The following ZNF536 variants were observed in gnomAD, a reference collection of about 807,000 sequenced individuals.
The protein encoded by ZNF536 is zinc finger protein 536.
ZNF536 carries 13 observed loss-of-function variants against 84.5 expected under a neutral mutation model. That is an observed-to-expected ratio of 0.15 (90% confidence interval 0.10 to 0.24). The LOEUF (loss-of-function observed/expected upper bound fraction) is 0.24. ZNF536 is among the 10% of genes least tolerant of loss of function. ZNF536 has a pLI of 1.00. For missense variants in ZNF536, 1,536 were observed against 1,747.5 expected (o/e 0.88, Z 2.16); for synonymous variants, 811 against 742.5 (o/e 1.09, Z -1.50).
chr19:30,485,380 C>T (rs529378764), intron 2 of ZNF536, among the ~76,000 whole-genome samples: 1 of 152,138 alleles, frequency 6.6e-6, no homozygotes, highest in African/African-American at 2.4e-5. Context: ...AATTGTGCAA[C>T]CATCACCACA....
chr19:30,584,375 G>A (rs996787878), intron 1 of ZNF536, among the ~76,000 whole-genome samples: 5 of 152,230 alleles, frequency 3.3e-5, no homozygotes, highest in African/African-American at 4.8e-5. Flanking sequence ...TAAGAAAGCT[G>A]TTAGTGAAGG....
intron 1 of ZNF536, among the ~76,000 whole-genome samples, chr19:30,594,327 G>A (rs190649174): frequency 4.6e-5 from 7 of 152,260 alleles, no homozygotes; most frequent in South Asian, 4.1e-4. Flanking sequence ...GAAAGGCAGG[G>A]GCCAGGCCAC....
At chr19:30,314,452 G>A (rs1160232384) in intron 2 of ZNF536, among the ~76,000 whole-genome samples, 3 of 152,074 alleles carry the variant, frequency 2.0e-5, no homozygotes, top group South Asian at 4.2e-4. Context: ...CACACATCTC[G>A]AGGGTCCACT....
At chr19:30,671,680 TCTAA>T (rs977642146) in intron 1 of ZNF536, among the ~76,000 whole-genome samples, 24 of 152,136 alleles carry the variant, frequency 1.6e-4, no homozygotes, top group African/African-American at 5.8e-4. Context: ...TGGGGATATG[TCTAA>T]CTAGTGTTTA....
intron 1 of ZNF536, among the ~76,000 whole-genome samples, chr19:30,663,108 G>A (rs988243600): frequency 6.6e-6 from 1 of 151,834 alleles, no homozygotes; most frequent in African/African-American, 2.4e-5. Context: ...GAAATGGATA[G>A]TGCAGGTTTA....
rs186095860 is a variant in ZNF536 at position 30,486,948 on chromosome 19, T to A, written c.2170+41216T>A. 5.9e-5 allele frequency among the ~76,000 whole-genome samples: 9 copies of A among 152,344 alleles called. No individual in the cohort carries two copies. The East Asian group carries it at 1.7e-3, about 29-fold the overall frequency. ...AAGGAACACAGTTCATCTGCTCTAGTATTTAAAAATTACAAACTTAAATAA... is the reference window on the plus strand; with the variant it reads ...AAGGAACACAGTTCATCTGCTCTAGAATTTAAAAATTACAAACTTAAATAA... On this transcript the variant is annotated intron_variant, in intron 2 of 4. Coordinates refer to ENST00000355537, the MANE Select transcript of ZNF536 (RefSeq NM_014717.3).
chr19:30,387,926 T>C (rs966207187), intron 1 of ZNF536, among the ~76,000 whole-genome samples: 2 of 152,090 alleles, frequency 1.3e-5, no homozygotes, highest in African/African-American at 4.8e-5. Context: ...CTTTGGGCCC[T>C]GGAGGGGGCT....
intron 1 of ZNF536, chr19:30,436,632 C>A: frequency 2.8e-6 from 1 of 357,310 alleles, no homozygotes; most frequent in Non-Finnish European, 3.9e-6. Flanking sequence ...GTGTATTATG[C>A]TTATAACAAC....
In ZNF536 at chr19:30,330,552, C is replaced by G. The variant is rs190237570; in HGVS notation, c.-119-21816C>G. Among the ~76,000 whole-genome samples the G allele has an allele frequency of 4.1e-4, 63 of 152,284 alleles. No individual in the cohort carries two copies. The East Asian group carries it at 6.8e-3, about 16-fold the overall frequency. On this transcript the variant is annotated intron_variant, in intron 2 of 5. Coordinates refer to the ZNF536 transcript ENST00000585628. ...GTGGATTTAGAAAAGGTTACATTGC[C>G]ACTCTGGGCCTCAGGCTCCCATTTC...
chr19:30,666,519 A>C (rs2050326308), intron 1 of ZNF536, among the ~76,000 whole-genome samples: 1 of 151,968 alleles, frequency 6.6e-6, no homozygotes, highest in Admixed American at 6.6e-5. Context: ...TCTGCACAGA[A>C]GTGGAACCCA....
Position 30,394,665 on chromosome 19 carries a change from T to A in ZNF536, c.-3+22109T>A, listed in dbSNP as rs78264759. ...GGTAATTGTTTGCCCCACCTGTAAA[T>A]AGTACAGTCTGGAAATTACACATGA... On this transcript the variant is annotated intron_variant, in intron 1 of 4. Coordinates refer to ENST00000355537, the MANE Select transcript of ZNF536 (RefSeq NM_014717.3). 5.3e-3 allele frequency among the ~76,000 whole-genome samples: 800 copies of A among 152,274 alleles called. 23 individuals carry two copies. The highest frequency in any genetic ancestry group is 0.04 in the Admixed American group (616 of 15,296).
At chr19:30,421,863 A>T (rs1354184259) in intron 1 of ZNF536, among the ~76,000 whole-genome samples, 1 of 152,246 alleles carries the variant, frequency 6.6e-6, no homozygotes, top group African/African-American at 2.4e-5. Flanking sequence ...TGCAGGCAGC[A>T]GTATTCAGCC....
At chr19:30,312,782 G>T (rs1490962693) in intron 2 of ZNF536, among the ~76,000 whole-genome samples, 1 of 152,204 alleles carries the variant, frequency 6.6e-6, no homozygotes, top group Non-Finnish European at 1.5e-5. Flanking sequence ...CTGTGCCTCG[G>T]GCGGCCTAGT....
chr19:30,393,218 G>A lies in ZNF536; in HGVS notation c.-3+20662G>A, dbSNP rs370923363. On this transcript the variant is annotated intron_variant, in intron 1 of 4. Coordinates refer to ENST00000355537, the MANE Select transcript of ZNF536 (RefSeq NM_014717.3). ...GAGGTTCCTGCTCACAGTTTAATGCGGTAGGATGGGGTTGGGGGCGGGGGA... is the reference window on the plus strand; with the variant it reads ...GAGGTTCCTGCTCACAGTTTAATGCAGTAGGATGGGGTTGGGGGCGGGGGA... Among the ~76,000 whole-genome samples, 26 of 152,242 alleles carry A rather than the reference G, an allele frequency of 1.7e-4. No homozygotes were observed. In the East Asian group the frequency reaches 3.1e-3, roughly 18 times the overall value.
intron 1 of ZNF536, among the ~76,000 whole-genome samples, chr19:30,655,903 A>G (rs1039289199): frequency 2.0e-5 from 3 of 152,014 alleles, no homozygotes; most frequent in Non-Finnish European, 4.4e-5. Context: ...GCTGTGCGTA[A>G]TGGTGCACAC....
chr19:30,273,209 TTGTGTGTGTG>T (rs59032608), intron 1 of ZNF536, among the ~76,000 whole-genome samples: 1 of 150,330 alleles, frequency 6.7e-6, no homozygotes, highest in African/African-American at 2.4e-5. Context: ...GCCATGCAGA[TTGTGTGTGTG>T]TGTGTGTGTG....
chr19:30,463,330 T>C (rs544515105), intron 2 of ZNF536, among the ~76,000 whole-genome samples: 1 of 152,284 alleles, frequency 6.6e-6, no homozygotes, highest in South Asian at 2.1e-4. Context: ...TAATGCTGGC[T>C]CAGCCTCAGG....
At chr19:30,654,539 T>C (rs772357737) in intron 1 of ZNF536, among the ~76,000 whole-genome samples, 1 of 152,136 alleles carries the variant, frequency 6.6e-6, no homozygotes, top group Non-Finnish European at 1.5e-5. Context: ...AATGCTTGTA[T>C]TCAAAGATTT....
At chr19:30,288,388 A>AG in intron 2 of ZNF536, among the ~76,000 whole-genome samples, 1 of 152,106 alleles carries the variant, frequency 6.6e-6, no homozygotes, top group Non-Finnish European at 1.5e-5. Flanking sequence ...AGCTGTCTTG[A>AG]GGGGATAGGC....
Sources: allele counts gnomAD v4.1 joint callset (sites outside exome capture counted in the v4.1 genomes callset), GRCh38; gene constraint gnomAD v4.1.1; transcripts MANE v1.5; gene names NCBI Gene and HGNC (gene_info 2026-07-23, HGNC 2026-07-21).